GOT2: variants seen among roughly 807,000 people sequenced by gnomAD.
GOT2 encodes glutamic-oxaloacetic transaminase 2.
A neutral mutation model predicts 50.0 loss-of-function variants in GOT2; 17 were observed. The ratio of observed to expected loss-of-function variants is 0.34; its 90% CI spans 0.23 to 0.51. The LOEUF (loss-of-function observed/expected upper bound fraction) is 0.51. GOT2 is among the 20% of genes least tolerant of loss of function. The probability of loss-of-function intolerance (pLI) is 0.97; values close to 1 mark genes in which losing one functional copy is unlikely to be tolerated. For missense variants in GOT2, 430 were observed against 559.6 expected, an observed-to-expected ratio of 0.77 and a Z score of 2.34; for synonymous variants, 172 against 204.9, an observed-to-expected ratio of 0.84 and a Z score of 1.37.
rs201266557 is a variant in GOT2 at position 58,713,183 on chromosome 16, GA to G, written c.1019+2830del. The stretch of plus-strand genomic sequence containing the variant: ...AAAAACAAACAAACAATGGGTAAGG[GA>G]AAAAAAAAGCTGAGTTAGAATAGCT... On this transcript the variant is annotated intron_variant, in intron 8 of 9. Coordinates refer to ENST00000245206, the MANE Select transcript of GOT2 (RefSeq NM_002080.4). 6.6e-5 allele frequency among the ~76,000 whole-genome samples: 10 copies of G among 150,482 alleles called. 1 individual carries two copies. In the South Asian group the frequency reaches 1.1e-3, roughly 16 times the overall value.
intron 8 of GOT2, among the ~76,000 whole-genome samples, chr16:58,712,525 C>CAACAACA (rs2044657352): frequency 6.6e-6 from 1 of 151,556 alleles, no homozygotes; most frequent in Non-Finnish European, 1.5e-5. Context: ...ACAACAAGAA[C>CAACAACA]AACAACAACA....
rs1255115253 is a variant in GOT2, at chr16:58,716,585, C to T, written c.853+78G>A. The T allele has an allele frequency of 1.8e-5, 23 of 1,248,972 alleles. 1 individual carries two copies. The South Asian group carries it at 2.1e-4, about 12-fold the overall frequency. 77.4% of individuals were successfully genotyped at this position (1,248,972 alleles called of 1,614,324 possible). On this transcript the variant is annotated intron_variant, in intron 7 of 9. Coordinates refer to ENST00000245206, the MANE Select transcript of GOT2 (RefSeq NM_002080.4). The stretch of plus-strand genomic sequence containing the variant: ...ACACACACACACACACACACACACA[C>T]ACACCCACAAGCTCTATGCCCTCGT...
chr16:58,725,081 G>A (rs541097928), intron 1 of GOT2, among the ~76,000 whole-genome samples: 218 of 150,362 alleles, frequency 1.4e-3, no homozygotes, highest in African/African-American at 5.0e-3. Context: ...ATTGTATTTT[G>A]TAATATGCCA....
chr16:58,718,157 T>C, intron 6 of GOT2, 39 bp downstream of exon 6: 2 of 1,415,466 alleles, frequency 1.4e-6, no homozygotes, highest in Non-Finnish European at 2.0e-6. Context: ...AGCTGGTTAC[T>C]AAACACAGAA....
At chr16:58,712,338 C>G (rs2044655667) in intron 8 of GOT2, among the ~76,000 whole-genome samples, 1 of 152,126 alleles carries the variant, frequency 6.6e-6, no homozygotes, top group Non-Finnish European at 1.5e-5. Flanking sequence ...GTGGTGAAAC[C>G]CAGTCTCTAC....
At chr16:58,714,396 C>T (rs905742353) in intron 8 of GOT2, among the ~76,000 whole-genome samples, 2 of 151,812 alleles carry the variant, frequency 1.3e-5, no homozygotes, top group African/African-American at 4.8e-5. Flanking sequence ...ACTAAAAATA[C>T]AAAAAATTAG....
At chr16:58,733,390 G>A (rs2044850827) in intron 1 of GOT2, among the ~76,000 whole-genome samples, 1 of 152,064 alleles carries the variant, frequency 6.6e-6, no homozygotes. Flanking sequence ...CTGCAGTTAC[G>A]AAATATTTAC....
At chr16:58,730,497 C>T (rs1019157516) in intron 1 of GOT2, among the ~76,000 whole-genome samples, 1 of 151,884 alleles carries the variant, frequency 6.6e-6, no homozygotes, top group African/African-American at 2.4e-5. Context: ...TGATCCTCCC[C>T]GAGTAGCTGG....
intron 5 of GOT2, 110 bp from the exon 6 acceptor site, chr16:58,718,410 C>A: frequency 7.5e-7 from 1 of 1,330,764 alleles, no homozygotes; most frequent in Non-Finnish European, 1.1e-6. Context: ...AACCAGAACC[C>A]TGGGAATCAG....
chr16:58,719,382 T>G (rs2044722349), intron 3 of GOT2, 127 bp from the exon 4 acceptor site: 1 of 627,096 alleles, frequency 1.6e-6, no homozygotes, highest in Non-Finnish European at 2.9e-6. Flanking sequence ...GTCAGTATCA[T>G]TTCATGTTAC....
At chr16:58,727,350 C>T (rs1393476913) in intron 1 of GOT2, among the ~76,000 whole-genome samples, 1 of 149,668 alleles carries the variant, frequency 6.7e-6, no homozygotes, top group Non-Finnish European at 1.5e-5. Flanking sequence ...TTAATGACTT[C>T]ACCTACAATA....
chr16:58,732,137 C>G (rs529210911), intron 1 of GOT2, among the ~76,000 whole-genome samples: 1 of 152,200 alleles, frequency 6.6e-6, no homozygotes, highest in South Asian at 2.1e-4. Flanking sequence ...GAGACTCTGT[C>G]TCTACAAAAA....
chr16:58,715,715 G>A (rs886135924), intron 8 of GOT2, among the ~76,000 whole-genome samples: 1 of 152,114 alleles, frequency 6.6e-6, no homozygotes, highest in Non-Finnish European at 1.5e-5. Flanking sequence ...ACCACATCCG[G>A]CTAATTTTGT....
chr16:58,729,407 G>T (rs1249970699), intron 1 of GOT2, among the ~76,000 whole-genome samples: 1 of 149,822 alleles, frequency 6.7e-6, no homozygotes, highest in Non-Finnish European at 1.5e-5. Context: ...CTTGCCTGTA[G>T]TCCCAGCTAC....
chr16:58,729,372 G>A (rs2044813744), intron 1 of GOT2, among the ~76,000 whole-genome samples: 1 of 149,500 alleles, frequency 6.7e-6, no homozygotes, highest in South Asian at 2.2e-4. Context: ...TTTTTCAAAA[G>A]ATGGTCTGGC....
intron 1 of GOT2, 96 bp from the exon 2 acceptor site, chr16:58,723,998 G>C (rs1597703826): frequency 8.9e-7 from 1 of 1,125,964 alleles, no homozygotes; most frequent in East Asian, 2.5e-5. Flanking sequence ...CTGTTGCCCA[G>C]GCTGGAGTGC....
chr16:58,724,585 G>A (rs1331782384), intron 1 of GOT2, among the ~76,000 whole-genome samples: 1 of 152,114 alleles, frequency 6.6e-6, no homozygotes, highest in Non-Finnish European at 1.5e-5. Flanking sequence ...TTGTCACTCA[G>A]GCTGGAGTGC....
chr16:58,713,541 ACT>A (rs1458615993), intron 8 of GOT2, among the ~76,000 whole-genome samples: 6 of 152,072 alleles, frequency 3.9e-5, no homozygotes, highest in Admixed American at 2.6e-4. Flanking sequence ...CCTGAACCAG[ACT>A]CTTAGTATTT....
Position 58,727,095 on chromosome 16 carries a change from A to G in GOT2, c.90-3193T>C, listed in dbSNP as rs552365374. Reference sequence around the variant, plus strand: ...CTTGAACCCAGGAGGCGGAGGTTGCAGTGAGCCGAGAATGCACCACTGCAC... The same window carrying G: ...CTTGAACCCAGGAGGCGGAGGTTGCGGTGAGCCGAGAATGCACCACTGCAC... On this transcript the variant is annotated intron_variant, in intron 1 of 9. Transcript: ENST00000245206. Among the ~76,000 whole-genome samples, 36 of 152,250 alleles carry G rather than the reference A, an allele frequency of 2.4e-4. 1 individual carries two copies. The South Asian group carries it at 7.3e-3, about 31-fold the overall frequency.
Sources: allele counts gnomAD v4.1 joint callset (sites outside exome capture counted in the v4.1 genomes callset), GRCh38; gene constraint gnomAD v4.1.1; transcripts MANE v1.5; gene names NCBI Gene and HGNC (gene_info 2026-07-23, HGNC 2026-07-21).